Variants in DNER observed in about 807,000 individuals in gnomAD.
DNER encodes the protein delta and Notch-like epidermal growth factor-related receptor.
DNER carries 33 observed loss-of-function variants against 78.2 expected under a neutral mutation model. That is an observed-to-expected ratio of 0.42 (90% CI 0.32 to 0.56). The LOEUF (loss-of-function observed/expected upper bound fraction) is 0.56, where lower values mean the gene tolerates loss of function less well. Among genes scored for constraint, DNER ranks in the 20% least tolerant of loss-of-function variants. The probability of loss-of-function intolerance (pLI) is 0.11; values close to 1 mark genes in which losing one functional copy is unlikely to be tolerated. For synonymous variants in DNER, 417 were observed against 384.8 expected (o/e 1.08, Z -0.98); for missense variants, 918 against 975.3 (o/e 0.94, Z 0.78).
intron 7 of DNER, among the ~76,000 whole-genome samples, chr2:229,474,149 G>A (rs542277401): frequency 3.4e-4 from 51 of 152,012 alleles, no homozygotes; most frequent in African/African-American, 4.8e-4. Context: ...GCAGTGATCC[G>A]CCCACCTTGG....
intron 7 of DNER, among the ~76,000 whole-genome samples, chr2:229,461,549 CGATA>C (rs770566803): frequency 1.1e-4 from 16 of 151,648 alleles, no homozygotes; most frequent in South Asian, 6.2e-4. Flanking sequence ...ATATGAAAAA[CGATA>C]GATAGGAGAA....
chr2:229,508,822 A>C (rs1021156793), intron 6 of DNER, among the ~76,000 whole-genome samples: 1 of 152,148 alleles, frequency 6.6e-6, no homozygotes, highest in Admixed American at 6.5e-5. Context: ...CGGAGCTTGC[A>C]GTGAGCTGAG....
At chr2:229,547,256 G>A (rs1696645663) in intron 4 of DNER, among the ~76,000 whole-genome samples, 164 bp from the exon 5 acceptor site, 1 of 152,276 alleles carries the variant, frequency 6.6e-6, no homozygotes, top group Middle Eastern at 3.4e-3. Flanking sequence ...AAAGCACATG[G>A]CCACCATCCA....
In DNER at chr2:229,572,750, G is replaced by C. The variant is rs1225714191; in HGVS notation, c.847+13108C>G. 4.6e-5 allele frequency among the ~76,000 whole-genome samples: 7 copies of C among 152,118 alleles called. No individual in the cohort carries two copies. The East Asian group carries it at 7.7e-4, about 17-fold the overall frequency. On this transcript the variant is annotated intron_variant, in intron 4 of 12. Coordinates refer to ENST00000341772, the MANE Select transcript of DNER (RefSeq NM_139072.4). ...CAAGATAAGATGGATGCAGTTTTTT[G>C]CTGCACGACAGGAATGCATTTTTTC...
At chr2:229,511,779 T>G (rs1695867911) in intron 6 of DNER, among the ~76,000 whole-genome samples, 1 of 152,232 alleles carries the variant, frequency 6.6e-6, no homozygotes, top group Non-Finnish European at 1.5e-5. Flanking sequence ...CTGAGAATAT[T>G]ATTTTCCCTG....
chr2:229,391,615 C>T (rs1693017717), intron 10 of DNER, among the ~76,000 whole-genome samples: 1 of 152,172 alleles, frequency 6.6e-6, no homozygotes, highest in Admixed American at 6.5e-5. Context: ...AATCTCGGCT[C>T]ACTGCAACCT....
At chr2:229,600,904 T>A (rs1036544332) in intron 1 of DNER, among the ~76,000 whole-genome samples, 4 of 152,050 alleles carry the variant, frequency 2.6e-5, no homozygotes, top group Non-Finnish European at 5.9e-5. Flanking sequence ...TGTCTGCCAG[T>A]TGGAGAGGGG....
In DNER at chr2:229,387,881, G is replaced by C. The variant is rs550322230; in HGVS notation, c.1855+384C>G. Reference sequence around the variant, plus strand: ...TTGCATTCTGTGTGTGTGTGTGTGTGTGTGTGTGTGTTTTTTAATTTTCAA... The same window carrying C: ...TTGCATTCTGTGTGTGTGTGTGTGTCTGTGTGTGTGTTTTTTAATTTTCAA... On this transcript the variant is annotated intron_variant, in intron 11 of 12. Transcript: ENST00000341772. 1.6e-4 allele frequency among the ~76,000 whole-genome samples: 20 copies of C among 123,400 alleles called. No individual in the cohort carries two copies. The East Asian group carries it at 4.6e-3, about 28-fold the overall frequency. The allele number at this position is 123,400 out of a possible 152,430, so 81.0% of individuals were successfully genotyped here. A position where few individuals can be genotyped will look rare whatever the true frequency, so the allele number is the denominator to read the frequency against.
chr2:229,694,465 C>A (rs56097861), intron 1 of DNER, among the ~76,000 whole-genome samples: 128,027 of 151,722 alleles, frequency 0.84, 54,241 homozygotes, highest in East Asian at 0.94. Context: ...CAATGACTTC[C>A]GCCTGTGAAA....
chr2:229,521,018 G>A (rs974752023), intron 5 of DNER, among the ~76,000 whole-genome samples: 10 of 152,232 alleles, frequency 6.6e-5, no homozygotes, highest in Non-Finnish European at 1.5e-4. Context: ...GTCATGACTA[G>A]GGCACGCCCA....
intron 10 of DNER, among the ~76,000 whole-genome samples, chr2:229,404,984 G>A (rs1693350064): frequency 6.6e-6 from 1 of 151,970 alleles, no homozygotes; most frequent in Admixed American, 6.6e-5. Flanking sequence ...GATTTAAAAG[G>A]CAAATGACAG....
At chr2:229,708,866 C>T (rs1362574572) in intron 1 of DNER, among the ~76,000 whole-genome samples, 1 of 152,186 alleles carries the variant, frequency 6.6e-6, no homozygotes, top group African/African-American at 2.4e-5. Context: ...ACCAAGAAAA[C>T]ATCAAGTTTC....
chr2:229,618,707 T>A (rs1220159500), intron 1 of DNER, among the ~76,000 whole-genome samples: 1 of 152,268 alleles, frequency 6.6e-6, no homozygotes, highest in African/African-American at 2.4e-5. Flanking sequence ...ATAAAATTAG[T>A]AAATTGGCTG....
intron 8 of DNER, among the ~76,000 whole-genome samples, chr2:229,418,921 CA>C (rs5839324): frequency 0.74 from 110,420 of 149,340 alleles, 40,946 homozygotes; most frequent in East Asian, 0.8. Context: ...AACTCCATCT[CA>C]AAAAAAAAAC....
chr2:229,663,614 C>T (rs990370812), intron 1 of DNER, among the ~76,000 whole-genome samples: 7 of 152,132 alleles, frequency 4.6e-5, no homozygotes, highest in Non-Finnish European at 7.4e-5. Flanking sequence ...AGGAAGAAGT[C>T]TCAATTGTAT....
At chr2:229,543,163 A>G (rs939868815) in intron 5 of DNER, among the ~76,000 whole-genome samples, 16 of 149,292 alleles carry the variant, frequency 1.1e-4, no homozygotes, top group African/African-American at 2.7e-4. Context: ...ATTAAAAAAA[A>G]AAGAAGAAGA....
chr2:229,672,246 G>A (rs1485785457), intron 1 of DNER, among the ~76,000 whole-genome samples: 1 of 152,162 alleles, frequency 6.6e-6, no homozygotes, highest in East Asian at 1.9e-4. Flanking sequence ...TGGGGTAGCT[G>A]AGGTAGGGAG....
chr2:229,467,132 A>G (rs1440500166), intron 7 of DNER, among the ~76,000 whole-genome samples: 1 of 152,208 alleles, frequency 6.6e-6, no homozygotes, highest in East Asian at 1.9e-4. Flanking sequence ...CGCAGCGGCC[A>G]AGGGCATTGC....
chr2:229,366,747 G>A, intron 12 of DNER, 126 bp downstream of exon 12: 1 of 1,424,036 alleles, frequency 7.0e-7, no homozygotes, highest in Non-Finnish European at 9.5e-7. Flanking sequence ...CAAATACAAT[G>A]TGGAACCTAT....
Sources: allele counts gnomAD v4.1 joint callset (sites outside exome capture counted in the v4.1 genomes callset), GRCh38; gene constraint gnomAD v4.1.1; transcripts MANE v1.5; gene names NCBI Gene and HGNC (gene_info 2026-07-23, HGNC 2026-07-21).